Variants in ZNF423 observed in about 807,000 individuals in gnomAD.
The protein encoded by ZNF423 is Ebf-associated zinc finger protein.
In ZNF423, 12 loss-of-function variants were observed where a neutral mutation model predicts 95.8. The observed-to-expected ratio is 0.13, with a 90% CI of 0.08 to 0.20. The LOEUF (loss-of-function observed/expected upper bound fraction) is 0.20. ZNF423 is among the 10% of genes least tolerant of loss of function. The pLI is 1.00. For missense variants in ZNF423, 1,316 were observed against 1,737.1 expected (o/e 0.76, Z 4.31); for synonymous variants, 749 against 711.9 (o/e 1.05, Z -0.83).
intron 5 of ZNF423, among the ~76,000 whole-genome samples, chr16:49,526,058 G>A (rs1968593298): frequency 6.6e-6 from 1 of 152,118 alleles, no homozygotes; most frequent in African/African-American, 2.4e-5. Flanking sequence ...CTCTAGGAGA[G>A]GGGTGGGGGC....
intron 5 of ZNF423, among the ~76,000 whole-genome samples, chr16:49,586,291 A>C (rs1369618454): frequency 1.3e-5 from 2 of 151,956 alleles, no homozygotes; most frequent in African/African-American, 4.8e-5. Context: ...CTGTAACTAA[A>C]CATTTTCCTC....
intron 2 of ZNF423, among the ~76,000 whole-genome samples, chr16:49,752,078 C>T (rs563650150): frequency 6.6e-6 from 1 of 152,358 alleles, no homozygotes; most frequent in East Asian, 1.9e-4. Flanking sequence ...GTGCTCACCC[C>T]CAAATCCAGC....
intron 2 of ZNF423, among the ~76,000 whole-genome samples, chr16:49,759,279 A>T (rs918984715): frequency 6.6e-6 from 1 of 152,030 alleles, no homozygotes. Context: ...CACACCTGTA[A>T]TTCCAGCTAC....
chr16:49,541,238 T>C (rs1969234319), intron 5 of ZNF423, among the ~76,000 whole-genome samples: 1 of 152,230 alleles, frequency 6.6e-6, no homozygotes, highest in African/African-American at 2.4e-5. Flanking sequence ...CAGCCAATGA[T>C]TGCTCAATGG....
At position 49,855,010 on chromosome 16, in the gene ZNF423, C is replaced by T; in HGVS notation, c.40+725G>A. On this transcript the variant is annotated intron_variant, in intron 1 of 7. Coordinates refer to ENST00000563137, the MANE Select transcript of ZNF423 (RefSeq NM_001379286.1). This position sits in a 1 kb window ranked among gnomAD's most constrained non-coding sequence, Gnocchi z 4.7. ...GCGCGCACCGCGGCCGCTGAGCTCC[C>T]CTGAGGACCTGCGTCCCGCCGGCGC... 3.0e-6 allele frequency: 3 copies of T among 984,982 alleles called. No homozygotes were observed. Among genetic ancestry groups the T allele is most frequent in the Non-Finnish European group, 3.6e-6 (3 of 829,730 alleles). The allele number at this position is 984,982 out of a possible 1,614,324, so 61.0% of individuals were successfully genotyped here. A position where few individuals can be genotyped will look rare whatever the true frequency, so the allele number is the denominator to read the frequency against.
chr16:49,517,578 C>G (rs1464925736), intron 7 of ZNF423, among the ~76,000 whole-genome samples: 2 of 152,154 alleles, frequency 1.3e-5, no homozygotes, highest in Non-Finnish European at 2.9e-5. Flanking sequence ...ATGGACAAAG[C>G]TTAGTCTCCC....
chr16:49,777,828 C>A (rs2034145321), intron 2 of ZNF423, among the ~76,000 whole-genome samples: 1 of 152,150 alleles, frequency 6.6e-6, no homozygotes, highest in Non-Finnish European at 1.5e-5. Context: ...CATGTCACAG[C>A]CCCCTGTCTG....
chr16:49,686,908 A>G (rs1018479079), intron 3 of ZNF423, among the ~76,000 whole-genome samples: 1 of 152,000 alleles, frequency 6.6e-6, no homozygotes, highest in African/African-American at 2.4e-5. Context: ...CCAGCCTCGC[A>G]TCCCCATCCC....
chr16:49,773,057 G>A (rs2143721350), intron 2 of ZNF423, among the ~76,000 whole-genome samples: 1 of 152,292 alleles, frequency 6.6e-6, no homozygotes, highest in South Asian at 2.1e-4. Context: ...TGTGGCTCAT[G>A]CCTATAATCC....
At chr16:49,506,178 G>C (rs1172775488) in intron 7 of ZNF423, among the ~76,000 whole-genome samples, 1 of 152,174 alleles carries the variant, frequency 6.6e-6, no homozygotes, top group Non-Finnish European at 1.5e-5. Context: ...TGTGGTTCTT[G>C]ACACGTACCT....
At chr16:49,809,548 A>C (rs1051381786) in intron 1 of ZNF423, among the ~76,000 whole-genome samples, 1 of 152,156 alleles carries the variant, frequency 6.6e-6, no homozygotes, top group Non-Finnish European at 1.5e-5. Flanking sequence ...ACCCCCAAGA[A>C]GGCGAGAGGG....
intron 4 of ZNF423, among the ~76,000 whole-genome samples, chr16:49,634,661 G>C (rs895658333): frequency 6.6e-6 from 1 of 152,212 alleles, no homozygotes; most frequent in Middle Eastern, 3.2e-3. Flanking sequence ...GCCAGCAGCG[G>C]TCCTTGAGGG....
chr16:49,529,930 A>G lies in ZNF423; in HGVS notation c.3602-4436T>C, dbSNP rs895505114. On this transcript the variant is annotated intron_variant, in intron 5 of 7. Coordinates refer to ENST00000563137, the MANE Select transcript of ZNF423 (RefSeq NM_001379286.1). ...CCCCCCTCGGGAAAGCTGACCCCAGAGTGGCATCATTAATGCACACACCTG... is the reference window on the plus strand; with the variant it reads ...CCCCCCTCGGGAAAGCTGACCCCAGGGTGGCATCATTAATGCACACACCTG... Among the ~76,000 whole-genome samples, 9 of 152,046 alleles carry G rather than the reference A, an allele frequency of 5.9e-5. No individual in the cohort carries two copies. The East Asian group carries it at 1.7e-3, about 29-fold the overall frequency.
At chr16:49,727,576 C>T (rs1476382519) in intron 3 of ZNF423, among the ~76,000 whole-genome samples, 3 of 152,278 alleles carry the variant, frequency 2.0e-5, no homozygotes, top group Non-Finnish European at 4.4e-5. Flanking sequence ...AATACACCCC[C>T]GACACCCCAA....
intron 7 of ZNF423, among the ~76,000 whole-genome samples, chr16:49,504,250 T>G (rs921615993): frequency 1.3e-5 from 2 of 152,172 alleles, no homozygotes; most frequent in Non-Finnish European, 2.9e-5. Flanking sequence ...AGATGGTAAA[T>G]TTTATGCTAC....
Position 49,528,639 on chromosome 16 carries a change from GGCAAGACCTTTTGATTT to G in ZNF423, c.3602-3162_3602-3146del, listed in dbSNP as rs1454476254. ...AGAGCTGGGACTCGCTCCCACTCAA[GGCAAGACCTTTTGATTT>G]GCAAATCTTTCTGAAGACGAGGCCT... On this transcript the variant is annotated intron_variant, in intron 5 of 7. Transcript: ENST00000563137. Among the ~76,000 whole-genome samples, 6 of 152,200 alleles carry G rather than the reference GGCAAGACCTTTTGATTT, an allele frequency of 3.9e-5. No individual in the cohort carries two copies. In the East Asian group the frequency reaches 9.6e-4, roughly 24 times the overall value.
At chr16:49,724,443 C>T (rs533433453) in intron 3 of ZNF423, among the ~76,000 whole-genome samples, 1 of 152,366 alleles carries the variant, frequency 6.6e-6, no homozygotes, top group Non-Finnish European at 1.5e-5. Context: ...AAGGAGCCCA[C>T]ACCCAGCACC....
chr16:49,567,898 T>C (rs1970242717), intron 5 of ZNF423, among the ~76,000 whole-genome samples: 1 of 152,198 alleles, frequency 6.6e-6, no homozygotes, highest in South Asian at 2.1e-4. Context: ...AGCCGGCCTA[T>C]ACTCCTCCGG....
At chr16:49,562,736 C>T (rs1839236583) in intron 5 of ZNF423, among the ~76,000 whole-genome samples, 1 of 152,060 alleles carries the variant, frequency 6.6e-6, no homozygotes, top group African/African-American at 2.4e-5. Flanking sequence ...AGAATTTGTC[C>T]AAATAGCCAA....
Sources: gnomAD v4.1 joint callset for allele counts (sites outside exome capture counted in the v4.1 genomes callset) on GRCh38, gnomAD v4.1.1 for gene constraint, Gnocchi (gnomAD v3.1) non-coding constraint, MANE v1.5 for transcripts, NCBI Gene and HGNC (gene_info 2026-07-23, HGNC 2026-07-21) for gene names.